The following CCL28 variants were observed in gnomAD, a reference collection of about 807,000 sequenced individuals.
CCL28 encodes C-C motif chemokine 28.
In CCL28, 4 loss-of-function variants were observed where a neutral mutation model predicts 7.1. The observed-to-expected ratio is 0.56, with a 90% CI of 0.28 to 1.29. The LOEUF (loss-of-function observed/expected upper bound fraction) is 1.29. CCL28 is among the 50% of genes most tolerant of loss of function. CCL28 has a pLI of 0.11. For missense variants in CCL28, 151 were observed against 163.4 expected (o/e 0.92, Z 0.41); for synonymous variants, 55 against 57.8 (o/e 0.95, Z 0.22).
intron 1 of CCL28, among the ~76,000 whole-genome samples, chr5:43,396,856 A>C (rs921544091): frequency 6.6e-6 from 1 of 152,194 alleles, no homozygotes. Context: ...GCTGCCGTGG[A>C]CCAGGAGAGA....
At chr5:43,403,763 A>G (rs904463025) in intron 1 of CCL28, among the ~76,000 whole-genome samples, 1 of 152,230 alleles carries the variant, frequency 6.6e-6, no homozygotes, top group Non-Finnish European at 1.5e-5. Context: ...AAACCTTGAA[A>G]AAAGATTAGA....
the CCL28 span, among the ~76,000 whole-genome samples, chr5:43,370,902 C>T: frequency 6.6e-5 from 10 of 152,122 alleles, no homozygotes; most frequent in African/African-American, 1.7e-4. Context: ...CCACCATGAC[C>T]AGCTAATTTT....
intron 2 of CCL28, among the ~76,000 whole-genome samples, chr5:43,386,314 G>T (rs981835942): frequency 6.6e-6 from 1 of 152,206 alleles, no homozygotes; most frequent in Non-Finnish European, 1.5e-5. Context: ...ATCTTGGCCA[G>T]ACATGTACCA....
rs1325536427 is a variant in CCL28 at position 43,379,270 on chromosome 5, T to C, written c.*2590A>G. 6.6e-6 allele frequency: 1 copy of C among 151,902 alleles called. No individual in the cohort carries two copies. Among genetic ancestry groups the C allele is most frequent in the African/African-American group, 2.4e-5 (1 of 41,134 alleles). The allele number at this position is 151,902 out of a possible 1,614,324, so 9.4% of individuals were successfully genotyped here. ...AATGGAAAATAATTCAAGTTGTTAG[T>C]TGAAAGAATTAGACACCAGTGTTTT... On this transcript the variant is annotated 3_prime_UTR_variant, in exon 3 of 3. Transcript: ENST00000361115.
In CCL28 at chr5:43,380,393, C is replaced by T. The variant is rs190114776; in HGVS notation, c.*1467G>A. 3.3e-5 allele frequency: 5 copies of T among 152,262 alleles called. No individual in the cohort carries two copies. The highest frequency in any genetic ancestry group is 9.6e-5 in the African/African-American group (4 of 41,564). 9.4% of individuals were successfully genotyped at this position (152,262 alleles called of 1,614,324 possible). Reference sequence around the variant, plus strand: ...GTTTTGAAGTTATATTTAGTTTAAACTATTCTATTTAGAAAATAAACCCTA... The same window carrying T: ...GTTTTGAAGTTATATTTAGTTTAAATTATTCTATTTAGAAAATAAACCCTA... On this transcript the variant is annotated 3_prime_UTR_variant, in exon 3 of 3. Transcript: ENST00000361115.
intron 1 of CCL28, among the ~76,000 whole-genome samples, chr5:43,401,942 ATCAGGT>A (rs1741055543): frequency 6.6e-6 from 1 of 152,160 alleles, no homozygotes; most frequent in Non-Finnish European, 1.5e-5. Flanking sequence ...GGGTTCTCTC[ATCAGGT>A]TCCTGTAGAC....
the CCL28 span, among the ~76,000 whole-genome samples, chr5:43,366,981 G>A: frequency 3.1e-4 from 47 of 151,904 alleles, no homozygotes; most frequent in Middle Eastern, 3.4e-3. Context: ...CTGCATTTGT[G>A]TTTACACTTT....
downstream of CCL28, among the ~76,000 whole-genome samples, chr5:43,372,770 CTT>C (rs879466483): frequency 2.2e-4 from 29 of 133,590 alleles, no homozygotes; most frequent in Non-Finnish European, 2.5e-4. Flanking sequence ...TATGAACATT[CTT>C]TTTTTTTTTT....
the CCL28 span, among the ~76,000 whole-genome samples, chr5:43,362,012 G>GT: frequency 1.5e-4 from 23 of 151,916 alleles, no homozygotes; most frequent in African/African-American, 5.3e-4. Flanking sequence ...TTTTAAAATA[G>GT]TTTTTTTTAG....
chr5:43,375,740 C>T (rs1739877087), downstream of CCL28, among the ~76,000 whole-genome samples: 1 of 152,096 alleles, frequency 6.6e-6, no homozygotes, highest in Admixed American at 6.6e-5. Flanking sequence ...GCCTGTAATC[C>T]CAGCACTTTG....
the CCL28 span, among the ~76,000 whole-genome samples, chr5:43,364,318 T>TGTATGTAC: frequency 1.6e-4 from 24 of 152,084 alleles, no homozygotes; most frequent in African/African-American, 5.3e-4. Flanking sequence ...TGTGTGTGTG[T>TGTATGTAC]ATGTACATGT....
chr5:43,408,705 G>A (rs1741406015), intron 1 of CCL28, among the ~76,000 whole-genome samples: 1 of 152,018 alleles, frequency 6.6e-6, no homozygotes, highest in South Asian at 2.1e-4. Flanking sequence ...AATTCTGGAA[G>A]GATATGCAGA....
At position 43,412,384 on chromosome 5, in the gene CCL28, G is replaced by T; in HGVS notation, c.-68C>A. On this transcript the variant is annotated 5_prime_UTR_variant, in exon 1 of 3. Transcript: ENST00000361115. Reference sequence around the variant, plus strand: ...TGTTCGATCAGGAAATGAGGCTAAAGGTGTCCTTGGGCACAGAGAAAGTGC... The same window carrying T: ...TGTTCGATCAGGAAATGAGGCTAAATGTGTCCTTGGGCACAGAGAAAGTGC... 1 of 1,431,452 alleles carries T rather than the reference G, an allele frequency of 7.0e-7. No individual in the cohort carries two copies. Among genetic ancestry groups the T allele is most frequent in the Non-Finnish European group, 9.7e-7 (1 of 1,030,966 alleles). 88.7% of individuals were successfully genotyped at this position (1,431,452 alleles called of 1,614,324 possible).
chr5:43,393,929 T>C (rs1030636995), intron 1 of CCL28, among the ~76,000 whole-genome samples: 1 of 152,238 alleles, frequency 6.6e-6, no homozygotes, highest in Non-Finnish European at 1.5e-5. Flanking sequence ...TTCTTTCTTC[T>C]GCTATGCTAT....
the CCL28 span, among the ~76,000 whole-genome samples, chr5:43,364,514 T>C: frequency 6.6e-6 from 1 of 152,172 alleles, no homozygotes; most frequent in Non-Finnish European, 1.5e-5. Flanking sequence ...TTTTTAAAAA[T>C]ATCAATTTGT....
At position 43,412,389 on chromosome 5, in the gene CCL28, C is replaced by T; in HGVS notation, c.-73G>A. 1 of 1,398,208 alleles carries T rather than the reference C, an allele frequency of 7.2e-7. No individual in the cohort carries two copies. The highest frequency in any genetic ancestry group is 1.0e-6 in the Non-Finnish European group (1 of 1,004,986). The allele number at this position is 1,398,208 out of a possible 1,614,324, so 86.6% of individuals were successfully genotyped here. On this transcript the variant is annotated 5_prime_UTR_variant, in exon 1 of 3. Transcript: ENST00000361115. ...GATCAGGAAATGAGGCTAAAGGTGT[C>T]CTTGGGCACAGAGAAAGTGCAGAGG...
chr5:43,375,089 A>G (rs933957156), downstream of CCL28, among the ~76,000 whole-genome samples: 5 of 151,960 alleles, frequency 3.3e-5, no homozygotes, highest in Non-Finnish European at 4.4e-5. Flanking sequence ...TCCCAGGTTC[A>G]AGCAATTCTC....
At chr5:43,359,422 G>A in the CCL28 span, among the ~76,000 whole-genome samples, 1 of 152,328 alleles carries the variant, frequency 6.6e-6, no homozygotes, top group Admixed American at 6.5e-5. Context: ...TATCCTTAAG[G>A]CACAGATCTC....
chr5:43,374,319 G>A (rs1739840744), downstream of CCL28, among the ~76,000 whole-genome samples: 2 of 152,228 alleles, frequency 1.3e-5, no homozygotes, highest in Non-Finnish European at 1.5e-5. Flanking sequence ...TAGTGAGGAA[G>A]AGCATAAGCA....
Sources: allele counts gnomAD v4.1 joint callset (sites outside exome capture counted in the v4.1 genomes callset), GRCh38; gene constraint gnomAD v4.1.1; transcripts MANE v1.5; gene names NCBI Gene and HGNC (gene_info 2026-07-23, HGNC 2026-07-21).